The following LSAMP variants were observed in gnomAD, a reference collection of about 807,000 sequenced individuals.
LSAMP encodes the protein limbic system-associated membrane protein.
A neutral mutation model predicts 38.6 loss-of-function variants in LSAMP; 7 were observed. The observed-to-expected ratio is 0.18, with a 90% confidence interval of 0.10 to 0.34. The LOEUF (loss-of-function observed/expected upper bound fraction) is 0.34, where lower values mean the gene tolerates loss of function less well. LSAMP is among the 10% of genes least tolerant of loss of function. The pLI, the probability that LSAMP is intolerant of heterozygous loss-of-function variation, is 1.00. For synonymous variants in LSAMP, 154 were observed against 166.8 expected (o/e 0.92, Z 0.59); for missense variants, 313 against 420.0 (o/e 0.75, Z 2.23).
chr3:116,421,284 T>C (rs1920197), intron 1 of LSAMP, among the ~76,000 whole-genome samples: 37,967 of 152,048 alleles, frequency 0.25, 5,182 homozygotes, highest in African/African-American at 0.37. Flanking sequence ...TAAAGAATTA[T>C]TGGGGCCAGG....
intron 1 of LSAMP, among the ~76,000 whole-genome samples, chr3:116,223,134 A>C (rs2046307378): frequency 6.6e-6 from 1 of 152,194 alleles, no homozygotes; most frequent in African/African-American, 2.4e-5. Context: ...GCCCAGATGC[A>C]TTTTTAAGCG....
At chr3:115,993,684 C>G (rs747243857) in intron 3 of LSAMP, among the ~76,000 whole-genome samples, 1 of 152,012 alleles carries the variant, frequency 6.6e-6, no homozygotes, top group East Asian at 1.9e-4. Context: ...ATTATGACAT[C>G]TGCAATAGTG....
intron 1 of LSAMP, among the ~76,000 whole-genome samples, chr3:116,149,182 G>A (rs1709555567): frequency 1.3e-5 from 2 of 151,892 alleles, no homozygotes; most frequent in African/African-American, 4.8e-5. Context: ...CCCTCAATGT[G>A]CAGACTCCAG....
At chr3:115,948,083 A>G (rs1461466585) in intron 3 of LSAMP, among the ~76,000 whole-genome samples, 1 of 152,252 alleles carries the variant, frequency 6.6e-6, no homozygotes, top group Non-Finnish European at 1.5e-5. Context: ...ACAAAATAGT[A>G]AAGTCCAAGA....
intron 3 of LSAMP, among the ~76,000 whole-genome samples, chr3:116,003,719 A>T (rs1232497298): frequency 6.6e-6 from 1 of 152,208 alleles, no homozygotes; most frequent in Non-Finnish European, 1.5e-5. Context: ...AGATACAAAA[A>T]CACAGAAGAC....
At chr3:116,111,764 C>T (rs749997008) in intron 1 of LSAMP, among the ~76,000 whole-genome samples, 2 of 152,184 alleles carry the variant, frequency 1.3e-5, no homozygotes, top group South Asian at 2.1e-4. Context: ...ACACTTATTC[C>T]GTTTTTACTA....
chr3:116,213,424 C>T (rs938369239), intron 1 of LSAMP, among the ~76,000 whole-genome samples: 11 of 152,172 alleles, frequency 7.2e-5, no homozygotes, highest in African/African-American at 2.4e-4. Context: ...CTCCTCCTAG[C>T]CTTCTGCCAT....
At chr3:115,998,903 C>T (rs1446817219) in intron 3 of LSAMP, among the ~76,000 whole-genome samples, 2 of 151,922 alleles carry the variant, frequency 1.3e-5, no homozygotes, top group Non-Finnish European at 2.9e-5. Context: ...AAGTCTGTCC[C>T]TCAATTCTCA....
At chr3:116,212,291 A>C (rs1483886984) in intron 1 of LSAMP, among the ~76,000 whole-genome samples, 2 of 152,232 alleles carry the variant, frequency 1.3e-5, no homozygotes, top group Non-Finnish European at 2.9e-5. Context: ...TTACTCCCTA[A>C]ACAAATTTTA....
chr3:115,897,925 A>C (rs1426267827), intron 3 of LSAMP, among the ~76,000 whole-genome samples: 1 of 152,120 alleles, frequency 6.6e-6, no homozygotes, highest in Admixed American at 6.6e-5. Flanking sequence ...TTGGCAGGCA[A>C]AATACCGCTT....
chr3:115,893,682 C>T (rs552295515), intron 3 of LSAMP, among the ~76,000 whole-genome samples: 17 of 151,752 alleles, frequency 1.1e-4, no homozygotes, highest in South Asian at 6.2e-4. Context: ...AATGTTCAAA[C>T]GAAAAAATCA....
intron 2 of LSAMP, among the ~76,000 whole-genome samples, chr3:116,036,149 G>A (rs1288152551): frequency 6.6e-6 from 1 of 152,156 alleles, no homozygotes; most frequent in African/African-American, 2.4e-5. Context: ...TCTGATGAAA[G>A]CATCATTAAG....
intron 6 of LSAMP, among the ~76,000 whole-genome samples, chr3:115,841,360 C>T (rs1934990403): frequency 6.6e-6 from 1 of 152,226 alleles, no homozygotes; most frequent in African/African-American, 2.4e-5. Context: ...CACCCTTCCT[C>T]TTGTGTTGTT....
intron 1 of LSAMP, among the ~76,000 whole-genome samples, chr3:116,251,944 G>T (rs2046689647): frequency 1.3e-5 from 2 of 152,100 alleles, no homozygotes; most frequent in African/African-American, 4.8e-5. Flanking sequence ...CAAATCACCA[G>T]CTGTAGGCAG....
intron 6 of LSAMP, among the ~76,000 whole-genome samples, chr3:115,841,376 T>C (rs1025547040): frequency 6.6e-6 from 1 of 152,224 alleles, no homozygotes; most frequent in Non-Finnish European, 1.5e-5. Context: ...TTGTTAAAAA[T>C]ATACTTTCTT....
chr3:116,224,811 A>T (rs889642638), intron 1 of LSAMP, among the ~76,000 whole-genome samples: 1 of 152,228 alleles, frequency 6.6e-6, no homozygotes, highest in Non-Finnish European at 1.5e-5. Context: ...ACTCTGTGAT[A>T]GTGCTACCAG....
chr3:116,131,116 A>C (rs1427281089), intron 1 of LSAMP, among the ~76,000 whole-genome samples: 1 of 150,116 alleles, frequency 6.7e-6, no homozygotes, highest in Non-Finnish European at 1.5e-5. Context: ...TCAGCCTCCC[A>C]AGTAACTGGG....
intron 2 of LSAMP, among the ~76,000 whole-genome samples, chr3:116,059,418 G>C (rs886523944): frequency 1.3e-5 from 2 of 152,156 alleles, no homozygotes; most frequent in African/African-American, 4.8e-5. Flanking sequence ...TGCTTATCAA[G>C]TTGGAAGAGT....
chr3:116,006,332 C>T (rs1419989333), intron 3 of LSAMP, among the ~76,000 whole-genome samples: 1 of 152,076 alleles, frequency 6.6e-6, no homozygotes, highest in Non-Finnish European at 1.5e-5. Context: ...AGAAAGAGCC[C>T]TCATCGGAAC....
Sources: gnomAD v4.1 joint callset for allele counts (sites outside exome capture counted in the v4.1 genomes callset) on GRCh38, gnomAD v4.1.1 for gene constraint, MANE v1.5 for transcripts, NCBI Gene and HGNC (gene_info 2026-07-23, HGNC 2026-07-21) for gene names.